Variants in SORL1-AS1 observed in about 807,000 individuals in gnomAD.
SORL1-AS1 encodes the protein SORL1 antisense RNA 1.
chr11:121,440,589 A>G, the SORL1-AS1 span, among the ~76,000 whole-genome samples: 2 of 152,116 alleles, frequency 1.3e-5, no homozygotes, highest in Non-Finnish European at 2.9e-5. Context: ...AGAAACTAGA[A>G]TTTCTTTCTC....
Position 121,452,239 on chromosome 11 carries a change from G to A in SORL1-AS1, n.339+436C>T. The A allele has an allele frequency of 9.3e-7, 1 of 1,072,014 alleles. No individual in the cohort carries two copies. Among genetic ancestry groups the A allele is most frequent in the Non-Finnish European group, 1.2e-6 (1 of 836,180 alleles). 66.4% of individuals were successfully genotyped at this position (1,072,014 alleles called of 1,614,324 possible). On this transcript the variant is annotated intron_variant and non_coding_transcript_variant, in intron 1 of 1. Coordinates refer to ENST00000501964, the Ensembl canonical transcript of SORL1-AS1. This position sits in a 1 kb window ranked among gnomAD's most constrained non-coding sequence, Gnocchi z 5.3. ...GCGGGCGGCCTGGAGCCCCGGGAGC[G>A]GCGCGCGCGGTCCCGGCCCAGCGGC...
At chr11:121,444,728 G>C (rs1860703103), downstream of SORL1-AS1, among the ~76,000 whole-genome samples, 1 of 152,190 alleles carries the variant, frequency 6.6e-6, no homozygotes, top group South Asian at 2.1e-4. Flanking sequence ...AGACAGATGG[G>C]GGAGCAGGAA....
exon 2 of SORL1-AS1, chr11:121,448,419 G>T (rs1307607997): frequency 6.6e-6 from 1 of 152,200 alleles, no homozygotes; most frequent in Non-Finnish European, 1.5e-5. Flanking sequence ...GCCTGAGCTG[G>T]TGAGGTCAAT....
chr11:121,444,814 A>C (rs778674099), downstream of SORL1-AS1, among the ~76,000 whole-genome samples: 4 of 152,210 alleles, frequency 2.6e-5, no homozygotes, highest in Admixed American at 6.5e-5. Flanking sequence ...TAGAATTAAG[A>C]ATAGTCTTAA....
chr11:121,442,748 G>C (rs1362608341), downstream of SORL1-AS1, among the ~76,000 whole-genome samples: 36 of 147,102 alleles, frequency 2.4e-4, no homozygotes, highest in Admixed American at 2.2e-3. Context: ...GCGTGATCTC[G>C]GCTCACTGCA....
chr11:121,440,833 G>A, the SORL1-AS1 span, among the ~76,000 whole-genome samples: 1 of 152,166 alleles, frequency 6.6e-6, no homozygotes, highest in Non-Finnish European at 1.5e-5. Context: ...AACCATGAAA[G>A]TAGACAGTCT....
chr11:121,447,042 C>T (rs1860733703), downstream of SORL1-AS1, among the ~76,000 whole-genome samples: 1 of 152,168 alleles, frequency 6.6e-6, no homozygotes, highest in African/African-American at 2.4e-5. Flanking sequence ...GCTTAAGTTC[C>T]TCTCATTCAC....
exon 2 of SORL1-AS1, chr11:121,448,085 G>A (rs1860745397): frequency 6.6e-6 from 1 of 152,186 alleles, no homozygotes; most frequent in Non-Finnish European, 1.5e-5. Flanking sequence ...AATGCTTAAG[G>A]TCTGTAAAAT....
At chr11:121,438,647 G>A in the SORL1-AS1 span, among the ~76,000 whole-genome samples, 3 of 152,010 alleles carry the variant, frequency 2.0e-5, no homozygotes, top group Non-Finnish European at 2.9e-5. Context: ...TTTATTGTGG[G>A]GCAATATCTC....
downstream of SORL1-AS1, among the ~76,000 whole-genome samples, chr11:121,446,705 T>C (rs1430332931): frequency 6.6e-6 from 1 of 150,784 alleles, no homozygotes; most frequent in Non-Finnish European, 1.5e-5. Flanking sequence ...GAGCTGAGAT[T>C]GCACTACTGC....
chr11:121,446,270 A>C (rs974087190), downstream of SORL1-AS1, among the ~76,000 whole-genome samples: 4 of 152,226 alleles, frequency 2.6e-5, no homozygotes, highest in African/African-American at 9.6e-5. Context: ...GGAAGGCAGA[A>C]CATGATCAAC....
rs1288812197 is a variant in SORL1-AS1 at position 121,452,243 on chromosome 11, C to A, written n.339+432G>T. On this transcript the variant is annotated intron_variant and non_coding_transcript_variant, in intron 1 of 1. Coordinates refer to ENST00000501964, the Ensembl canonical transcript of SORL1-AS1. The surrounding 1 kb of genome is among the most constrained non-coding windows in gnomAD (Gnocchi z 5.3). Reference sequence around the variant, plus strand: ...GCGGCCTGGAGCCCCGGGAGCGGCGCGCGCGGTCCCGGCCCAGCGGCTCTC... The same window carrying A: ...GCGGCCTGGAGCCCCGGGAGCGGCGAGCGCGGTCCCGGCCCAGCGGCTCTC... 1.1e-5 allele frequency: 12 copies of A among 1,093,318 alleles called. No individual in the cohort carries two copies. The highest frequency in any genetic ancestry group is 1.2e-5 in the Non-Finnish European group (10 of 852,378). The allele number at this position is 1,093,318 out of a possible 1,614,324, so 67.7% of individuals were successfully genotyped here.
chr11:121,443,174 A>C (rs191995785), downstream of SORL1-AS1, among the ~76,000 whole-genome samples: 1 of 152,262 alleles, frequency 6.6e-6, no homozygotes, highest in Admixed American at 6.5e-5. Flanking sequence ...TACTAATGAA[A>C]ATTCATTCTC....
chr11:121,450,529 G>A lies in SORL1-AS1; in HGVS notation n.340-630C>T, dbSNP rs1490879569. The stretch of plus-strand genomic sequence containing the variant: ...CTGAATTGCACAATATGAGCAAGGC[G>A]TTCCTCTCAGCTTCAAAACCAGCTC... On this transcript the variant is annotated intron_variant and non_coding_transcript_variant, in intron 1 of 1. Coordinates refer to ENST00000501964, the Ensembl canonical transcript of SORL1-AS1. This position sits in a 1 kb window ranked among gnomAD's most constrained non-coding sequence, Gnocchi z 5.2. 6.6e-6 allele frequency among the ~76,000 whole-genome samples: 1 copy of A among 152,006 alleles called. No homozygotes were observed. Among genetic ancestry groups the A allele is most frequent in the South Asian group, 2.1e-4 (1 of 4,824 alleles).
chr11:121,443,151 C>A (rs1183898163), downstream of SORL1-AS1, among the ~76,000 whole-genome samples: 1 of 152,152 alleles, frequency 6.6e-6, no homozygotes, highest in Non-Finnish European at 1.5e-5. Context: ...ACTTATTAAT[C>A]TAACTAACAA....
downstream of SORL1-AS1, among the ~76,000 whole-genome samples, chr11:121,446,510 G>T (rs549598460): frequency 6.6e-6 from 1 of 152,220 alleles, no homozygotes; most frequent in African/African-American, 2.4e-5. Context: ...CAGCACTTTG[G>T]GAAGCTGAGG....
intron 1 of SORL1-AS1, among the ~76,000 whole-genome samples, chr11:121,451,426 C>T (rs989394948): frequency 1.3e-5 from 2 of 152,148 alleles, no homozygotes; most frequent in East Asian, 3.9e-4. Context: ...GTAAATATGT[C>T]TATTTTACTG....
At chr11:121,439,863 A>G in the SORL1-AS1 span, among the ~76,000 whole-genome samples, 1 of 152,220 alleles carries the variant, frequency 6.6e-6, no homozygotes, top group Non-Finnish European at 1.5e-5. Context: ...TTGTATTTGA[A>G]TTTTTTAAAA....
exon 2 of SORL1-AS1, chr11:121,447,678 C>T (rs1860741467): frequency 6.6e-6 from 1 of 152,078 alleles, no homozygotes; most frequent in Non-Finnish European, 1.5e-5. Context: ...AAATCCCTCG[C>T]TAAATTCATC....
Sources: gnomAD v4.1 joint callset for allele counts (sites outside exome capture counted in the v4.1 genomes callset) on GRCh38, gnomAD v4.1.1 for gene constraint, Gnocchi (gnomAD v3.1) non-coding constraint, MANE v1.5 for transcripts, NCBI Gene and HGNC (gene_info 2026-07-23, HGNC 2026-07-21) for gene names.